Variants in CDK8 observed in about 807,000 individuals in gnomAD.
The protein encoded by CDK8 is cyclin-dependent kinase 8.
Under a neutral mutation model 71.5 loss-of-function variants are expected in CDK8, and 29 were observed. That is an observed-to-expected ratio of 0.41 (90% CI 0.30 to 0.55). The LOEUF (loss-of-function observed/expected upper bound fraction) is 0.55, where lower values mean the gene tolerates loss of function less well. Ranked by LOEUF, CDK8 falls within the 20% of genes least tolerant of loss-of-function variation. CDK8 has a pLI of 0.37. For synonymous variants in CDK8, 161 were observed against 192.1 expected, an observed-to-expected ratio of 0.84 and a Z score of 1.34; for missense variants, 288 against 572.6, an observed-to-expected ratio of 0.50 and a Z score of 5.07.
intron 1 of CDK8, among the ~76,000 whole-genome samples, chr13:26,335,344 T>A (rs1382048517): frequency 6.6e-6 from 1 of 152,226 alleles, no homozygotes; most frequent in African/African-American, 2.4e-5. Flanking sequence ...TAGACCTCTC[T>A]GCAGATTTTT....
intron 3 of CDK8, among the ~76,000 whole-genome samples, chr13:26,352,069 T>C (rs1011984263): frequency 6.6e-6 from 1 of 152,078 alleles, no homozygotes; most frequent in African/African-American, 2.4e-5. Flanking sequence ...ACCTTACCTC[T>C]CCTACATATT....
At chr13:26,310,204 C>A (rs763793932) in intron 1 of CDK8, among the ~76,000 whole-genome samples, 34 of 152,298 alleles carry the variant, frequency 2.2e-4, no homozygotes, top group South Asian at 4.1e-4. Flanking sequence ...CTCTTCTCTC[C>A]TTGGCCTCTG....
chr13:26,278,978 G>T (rs1416304031), intron 1 of CDK8, among the ~76,000 whole-genome samples: 1 of 152,148 alleles, frequency 6.6e-6, no homozygotes, highest in African/African-American at 2.4e-5. Context: ...GTGTGTGTAG[G>T]TTTCATGCAG....
At chr13:26,357,793 A>T (rs113038141) in intron 4 of CDK8, among the ~76,000 whole-genome samples, 26 of 152,366 alleles carry the variant, frequency 1.7e-4, no homozygotes, top group African/African-American at 5.5e-4. Flanking sequence ...TGCTGGCAGA[A>T]TTCCTTCTTG....
rs74702060 is a variant in CDK8 at position 26,395,815 on chromosome 13, C to T, written c.791-470C>T. On this transcript the variant is annotated intron_variant, in intron 7 of 12. Coordinates refer to ENST00000381527, the MANE Select transcript of CDK8 (RefSeq NM_001260.3). ...TGCTTATGTAAAGAAATATATTTAA[C>T]AAGGTGAAAGGAGGGCTGTATCATA... Among the ~76,000 whole-genome samples, 504 of 152,006 alleles carry T rather than the reference C, an allele frequency of 3.3e-3. 6 individuals carry two copies. The highest frequency in any genetic ancestry group is 5.9e-3 in the Non-Finnish European group (404 of 67,994).
chr13:26,399,843 T>C (rs1220701904), intron 9 of CDK8, among the ~76,000 whole-genome samples: 1 of 152,260 alleles, frequency 6.6e-6, no homozygotes, highest in African/African-American at 2.4e-5. Flanking sequence ...AGGATTTGAA[T>C]GGAGCAGTCG....
intron 6 of CDK8, among the ~76,000 whole-genome samples, chr13:26,388,488 G>A (rs542381583): frequency 6.6e-6 from 1 of 152,260 alleles, no homozygotes; most frequent in Admixed American, 6.5e-5. Context: ...TTTAAAAGCA[G>A]TGTTACTTTT....
chr13:26,378,080 T>C (rs1049871308), intron 4 of CDK8, among the ~76,000 whole-genome samples: 3 of 152,218 alleles, frequency 2.0e-5, no homozygotes, highest in African/African-American at 7.2e-5. Context: ...GATACATTAG[T>C]AAATATCTGA....
chr13:26,313,548 G>A (rs1159486835), intron 1 of CDK8, among the ~76,000 whole-genome samples: 1 of 152,140 alleles, frequency 6.6e-6, no homozygotes, highest in Non-Finnish European at 1.5e-5. Flanking sequence ...ATTGGGATAC[G>A]GGACTAAAAT....
intron 2 of CDK8, among the ~76,000 whole-genome samples, chr13:26,337,910 G>A (rs1403276502): frequency 6.6e-6 from 1 of 152,010 alleles, no homozygotes; most frequent in Non-Finnish European, 1.5e-5. Context: ...AGAGGATCCA[G>A]TTATTTCATT....
At chr13:26,334,262 T>C (rs949097283) in intron 1 of CDK8, among the ~76,000 whole-genome samples, 1 of 152,156 alleles carries the variant, frequency 6.6e-6, no homozygotes, top group Non-Finnish European at 1.5e-5. Context: ...GGTAAATCTT[T>C]AGTTTAAATT....
At chr13:26,387,494 C>G (rs1244350602) in intron 6 of CDK8, among the ~76,000 whole-genome samples, 1 of 152,194 alleles carries the variant, frequency 6.6e-6, no homozygotes, top group Non-Finnish European at 1.5e-5. Context: ...GGTCTTTCCT[C>G]TGAAGCCAAA....
At position 26,264,170 on chromosome 13, in the gene CDK8, T is replaced by A. The variant is rs73487216; in HGVS notation, c.128+9401T>A. On this transcript the variant is annotated intron_variant, in intron 1 of 12. Coordinates refer to ENST00000381527, the MANE Select transcript of CDK8 (RefSeq NM_001260.3). ...GAAAGCAAGACATACTTGTAATTTATTTTTTAATGCTGACTTAATGTTGAT... is the reference window on the plus strand; with the variant it reads ...GAAAGCAAGACATACTTGTAATTTAATTTTTAATGCTGACTTAATGTTGAT... Among the ~76,000 whole-genome samples the A allele has an allele frequency of 9.1e-3, 1,380 of 152,354 alleles. 22 individuals carry two copies. The highest frequency in any genetic ancestry group is 0.031 in the African/African-American group (1,298 of 41,570).
intron 12 of CDK8, among the ~76,000 whole-genome samples, chr13:26,403,263 G>T (rs1008108628): frequency 3.3e-5 from 5 of 152,026 alleles, no homozygotes; most frequent in Non-Finnish European, 5.9e-5. Context: ...TAATCCCAGT[G>T]GTTTAGAAGG....
At chr13:26,295,252 C>CT (rs1473594568) in intron 1 of CDK8, among the ~76,000 whole-genome samples, 2 of 152,004 alleles carry the variant, frequency 1.3e-5, no homozygotes, top group South Asian at 2.1e-4. Context: ...GGAACAGGCT[C>CT]TTTTTTTGGG....
intron 2 of CDK8, among the ~76,000 whole-genome samples, chr13:26,338,844 A>G (rs1199954766): frequency 6.6e-6 from 1 of 152,116 alleles, no homozygotes; most frequent in African/African-American, 2.4e-5. Context: ...ACAGAGCTTC[A>G]GGGTGCTAGT....
intron 1 of CDK8, among the ~76,000 whole-genome samples, chr13:26,259,389 T>C (rs1871670431): frequency 6.6e-6 from 1 of 152,184 alleles, no homozygotes. Context: ...GTATAACAAC[T>C]GTTTACATAG....
At chr13:26,369,448 C>CAAAAAAA (rs1162252506) in intron 4 of CDK8, among the ~76,000 whole-genome samples, 8 of 46,638 alleles carry the variant, frequency 1.7e-4, no homozygotes, top group Non-Finnish European at 1.8e-4. Flanking sequence ...GACCCTGTCT[C>CAAAAAAA]AAAAAAAAAA....
At chr13:26,368,768 G>A (rs760258912) in intron 4 of CDK8, among the ~76,000 whole-genome samples, 13 of 152,160 alleles carry the variant, frequency 8.5e-5, no homozygotes, top group African/African-American at 2.9e-4. Flanking sequence ...TCCCTTCTGT[G>A]CCTGGTTAAG....
Sources: gnomAD v4.1 joint callset for allele counts (sites outside exome capture counted in the v4.1 genomes callset) on GRCh38, gnomAD v4.1.1 for gene constraint, MANE v1.5 for transcripts, NCBI Gene and HGNC (gene_info 2026-07-23, HGNC 2026-07-21) for gene names.